The following ITSN1 variants were observed in gnomAD, a reference collection of about 807,000 sequenced individuals.
ITSN1 encodes intersectin 1, also known as intersectin-1.
A neutral mutation model predicts 239.8 loss-of-function variants in ITSN1; 58 were observed. The observed-to-expected ratio is 0.24, with a 90% CI of 0.20 to 0.30. ITSN1 has a LOEUF of 0.30. Ranked by LOEUF, ITSN1 falls within the 10% of genes least tolerant of loss-of-function variation. The pLI is 1.00. For missense variants in ITSN1, 1,558 were observed against 2,103.3 expected (o/e 0.74, Z 5.07); for synonymous variants, 780 against 770.8 (o/e 1.01, Z -0.20).
At chr21:33,748,238 C>A (rs1029213990) in intron 5 of ITSN1, among the ~76,000 whole-genome samples, 4 of 151,898 alleles carry the variant, frequency 2.6e-5, no homozygotes, top group African/African-American at 7.2e-5. Context: ...AGGCTTGAGG[C>A]CAGGAGTTTG....
At chr21:33,656,028 A>G (rs2146199420) in intron 1 of ITSN1, among the ~76,000 whole-genome samples, 1 of 152,240 alleles carries the variant, frequency 6.6e-6, no homozygotes, top group South Asian at 2.1e-4. Context: ...TCATAATTGT[A>G]TTTGTATGAG....
chr21:33,643,091 C>T (rs1337971155), intron 1 of ITSN1, among the ~76,000 whole-genome samples: 1 of 150,764 alleles, frequency 6.6e-6, no homozygotes, highest in Non-Finnish European at 1.5e-5. Context: ...GCTGACCTCG[C>T]TGCCCTCGGC....
chr21:33,828,440 C>T (rs912899702), intron 26 of ITSN1, among the ~76,000 whole-genome samples: 40 of 152,318 alleles, frequency 2.6e-4, no homozygotes, highest in African/African-American at 9.6e-4. Flanking sequence ...CAGGCCTGCA[C>T]CATGACCGCC....
chr21:33,885,273 TG>T, intron 37 of ITSN1, 150 bp downstream of exon 37: 1 of 959,080 alleles, frequency 1.0e-6, no homozygotes, highest in Non-Finnish European at 1.6e-6. Flanking sequence ...GGGATGCAGA[TG>T]GGGATGGAGG....
intron 22 of ITSN1, chr21:33,817,385 A>G: frequency 7.7e-7 from 1 of 1,304,420 alleles, no homozygotes; most frequent in Non-Finnish European, 1.0e-6. Flanking sequence ...CCTAGCTGTC[A>G]AAGTCCTTCT....
intron 14 of ITSN1, among the ~76,000 whole-genome samples, chr21:33,775,418 A>T (rs1383176369): frequency 6.6e-6 from 1 of 152,190 alleles, no homozygotes; most frequent in Admixed American, 6.5e-5. Context: ...AACAAAATAA[A>T]GTGTGTACTG....
At chr21:33,793,853 G>A (rs149348366) in intron 16 of ITSN1, among the ~76,000 whole-genome samples, 2 of 152,244 alleles carry the variant, frequency 1.3e-5, no homozygotes, top group African/African-American at 4.8e-5. Flanking sequence ...GGAGCAAAGA[G>A]ATGTCCATTT....
chr21:33,644,943 T>G (rs1327743077), intron 1 of ITSN1, among the ~76,000 whole-genome samples: 1 of 151,856 alleles, frequency 6.6e-6, no homozygotes, highest in Non-Finnish European at 1.5e-5. Flanking sequence ...CACCCCAGCT[T>G]CCAGAGTATC....
intron 21 of ITSN1, among the ~76,000 whole-genome samples, chr21:33,813,663 T>G (rs1472299091): frequency 1.3e-5 from 2 of 152,164 alleles, no homozygotes; most frequent in Admixed American, 6.5e-5. Flanking sequence ...TCCTCCTTGT[T>G]CTTTCACTGT....
At chr21:33,777,621 G>T (rs757666915) in intron 14 of ITSN1, among the ~76,000 whole-genome samples, 7 of 152,156 alleles carry the variant, frequency 4.6e-5, no homozygotes, top group Non-Finnish European at 1.0e-4. Context: ...TTTGTAGTTT[G>T]CAGTGTCCAA....
intron 9 of ITSN1, 127 bp downstream of exon 9, chr21:33,762,113 G>A (rs999183378): frequency 2.8e-6 from 2 of 721,848 alleles, no homozygotes; most frequent in Non-Finnish European, 5.0e-6. Flanking sequence ...ATTTCAGTGA[G>A]TTGTAATGAT....
chr21:33,751,062 A>T (rs1452111162), intron 6 of ITSN1, among the ~76,000 whole-genome samples: 1 of 152,154 alleles, frequency 6.6e-6, no homozygotes, highest in African/African-American at 2.4e-5. Flanking sequence ...TATATTTATC[A>T]GGATATATAT....
intron 29 of ITSN1, among the ~76,000 whole-genome samples, chr21:33,850,532 C>A (rs930444805): frequency 6.6e-6 from 1 of 152,176 alleles, no homozygotes; most frequent in African/African-American, 2.4e-5. Context: ...AGCAAGGATC[C>A]AAGTTGGCCT....
chr21:33,826,293 T>TG lies in ITSN1; in HGVS notation c.3184-520dup, dbSNP rs572256439. Among the ~76,000 whole-genome samples, 11 of 152,246 alleles carry TG rather than the reference T, an allele frequency of 7.2e-5. No homozygotes were observed. In the South Asian group the frequency reaches 2.3e-3, roughly 32 times the overall value. On this transcript the variant is annotated intron_variant, in intron 25 of 39. Transcript: ENST00000381318. ...TTTGGATAGAGAGGGGTGAATAGGATGGGGGAAGAGAGGTTCCAGTTGTCC... is the reference window on the plus strand; with the variant it reads ...TTTGGATAGAGAGGGGTGAATAGGATGGGGGGAAGAGAGGTTCCAGTTGTCC...
chr21:33,837,761 C>T, intron 29 of ITSN1: 1 of 985,846 alleles, frequency 1.0e-6, no homozygotes, highest in Non-Finnish European at 1.2e-6. Flanking sequence ...ACCTTGTAGC[C>T]ACATGAGAAA....
At chr21:33,693,791 G>A (rs999948890) in intron 1 of ITSN1, among the ~76,000 whole-genome samples, 6 of 152,032 alleles carry the variant, frequency 3.9e-5, no homozygotes, top group African/African-American at 1.5e-4. Flanking sequence ...TTTTTCTCTG[G>A]GCTTTCACAG....
intron 39 of ITSN1, among the ~76,000 whole-genome samples, chr21:33,887,599 AT>A (rs11441002): frequency 3.6e-4 from 55 of 151,156 alleles, no homozygotes; most frequent in African/African-American, 5.6e-4. Flanking sequence ...TTTTCTTTTT[AT>A]TTTTTTTATT....
chr21:33,763,278 T>C (rs972824207), intron 9 of ITSN1, among the ~76,000 whole-genome samples: 1 of 144,874 alleles, frequency 6.9e-6, no homozygotes, highest in Non-Finnish European at 1.5e-5. Flanking sequence ...AACCAGATCA[T>C]TTGTCCTGTA....
intron 1 of ITSN1, among the ~76,000 whole-genome samples, chr21:33,651,740 C>T (rs1239686779): frequency 6.6e-6 from 1 of 152,120 alleles, no homozygotes; most frequent in Admixed American, 6.5e-5. Flanking sequence ...TCTATAGAAG[C>T]TGTTCTCTTT....
Sources: gnomAD v4.1 joint callset for allele counts (sites outside exome capture counted in the v4.1 genomes callset) on GRCh38, gnomAD v4.1.1 for gene constraint, MANE v1.5 for transcripts, NCBI Gene and HGNC (gene_info 2026-07-23, HGNC 2026-07-21) for gene names.